The following GPR158 variants were observed in gnomAD, a reference collection of about 807,000 sequenced individuals.
The protein encoded by GPR158 is G protein-coupled receptor 158, also known as metabotropic glycine receptor.
In GPR158, 30 loss-of-function variants were observed where a neutral mutation model predicts 78.2. The observed-to-expected ratio is 0.38, with a 90% confidence interval of 0.29 to 0.52. The LOEUF (loss-of-function observed/expected upper bound fraction) is 0.52. GPR158 is among the 20% of genes least tolerant of loss of function. The pLI is 0.83. For synonymous variants in GPR158, 581 were observed against 591.1 expected (o/e 0.98, Z 0.25); for missense variants, 1,463 against 1,523.5 (o/e 0.96, Z 0.66).
intron 1 of GPR158, among the ~76,000 whole-genome samples, chr10:25,191,155 G>C (rs1852766603): frequency 6.6e-6 from 1 of 152,186 alleles, no homozygotes. Flanking sequence ...ATTCGTTAAA[G>C]AACCAATGTT....
chr10:25,435,963 A>G (rs796218156), intron 4 of GPR158, among the ~76,000 whole-genome samples: 2 of 152,250 alleles, frequency 1.3e-5, no homozygotes, highest in African/African-American at 4.8e-5. Flanking sequence ...ATAGAAATCC[A>G]TATTGATTCC....
chr10:25,493,670 A>C (rs1293264893), intron 5 of GPR158, among the ~76,000 whole-genome samples: 1 of 152,206 alleles, frequency 6.6e-6, no homozygotes, highest in South Asian at 2.1e-4. Context: ...TTAGTGACTC[A>C]TCTGTTACAA....
intron 4 of GPR158, among the ~76,000 whole-genome samples, chr10:25,451,270 G>A (rs1329250): frequency 0.7 from 106,106 of 152,144 alleles, 38,527 homozygotes; most frequent in East Asian, 1. Context: ...GGATTCATCA[G>A]TGTGTATTTC....
chr10:25,341,442 C>T (rs1235103800), intron 2 of GPR158, among the ~76,000 whole-genome samples: 2 of 151,752 alleles, frequency 1.3e-5, no homozygotes, highest in Admixed American at 6.6e-5. Flanking sequence ...ATATTGTACT[C>T]TCTTGGGATA....
intron 5 of GPR158, among the ~76,000 whole-genome samples, chr10:25,549,462 CTT>C: frequency 6.7e-6 from 1 of 150,076 alleles, no homozygotes; most frequent in African/African-American, 2.4e-5. Flanking sequence ...CAGGTTTTTA[CTT>C]TTTTTTTTCC....
chr10:25,509,714 A>AT (rs1384987018), intron 5 of GPR158, among the ~76,000 whole-genome samples: 1 of 151,966 alleles, frequency 6.6e-6, no homozygotes, highest in Non-Finnish European at 1.5e-5. Flanking sequence ...TTATTTTATG[A>AT]TTTTTATTTT....
At chr10:25,484,716 A>T (rs532207771) in intron 5 of GPR158, among the ~76,000 whole-genome samples, 1 of 152,260 alleles carries the variant, frequency 6.6e-6, no homozygotes, top group South Asian at 2.1e-4. Flanking sequence ...TTCTATAGTT[A>T]ATGTCTTTGC....
At chr10:25,328,368 ATTG>A (rs1442666492) in intron 2 of GPR158, among the ~76,000 whole-genome samples, 1 of 152,166 alleles carries the variant, frequency 6.6e-6, no homozygotes, top group East Asian at 1.9e-4. Context: ...CTTGTAGGAA[ATTG>A]TTAAGTGTCA....
At chr10:25,433,568 TGTGCGCGCGCGCGTGCGC>T (rs1834947571) in intron 4 of GPR158, among the ~76,000 whole-genome samples, 1 of 147,620 alleles carries the variant, frequency 6.8e-6, no homozygotes, top group Non-Finnish European at 1.5e-5. Context: ...TGTGTGTGTG[TGTGCGCGCGCGCGTGCGC>T]GTGCGCATAT....
At chr10:25,534,283 G>A (rs1034416194) in intron 5 of GPR158, among the ~76,000 whole-genome samples, 1 of 152,042 alleles carries the variant, frequency 6.6e-6, no homozygotes, top group African/African-American at 2.4e-5. Flanking sequence ...AATCTGCCAG[G>A]TTTTACCTGA....
In GPR158 at chr10:25,598,385, C is replaced by T. The variant is rs1449917466; in HGVS notation, c.2759C>T (p.Thr920Ile). The change falls in exon 11 of 11, where the codon ACC (threonine) becomes ATC (isoleucine). Residue 920 changes from threonine (T) to isoleucine (I), a missense_variant. Transcript: ENST00000376351. ...KEKTLGLAGK[T>I]QTAGVEERTK... ...AAGACTCTTGGATTAGCTGGGAAAA[C>T]CCAAACAGCAGGTGTGGAAGAACGC... 1 of 1,614,058 alleles carries T rather than the reference C, an allele frequency of 6.2e-7. No homozygotes were observed. Among genetic ancestry groups the T allele is most frequent in the Non-Finnish European group, 8.5e-7 (1 of 1,180,018 alleles).
chr10:25,192,696 A>T (rs1169676104), intron 1 of GPR158, among the ~76,000 whole-genome samples: 1 of 152,158 alleles, frequency 6.6e-6, no homozygotes. Context: ...TCTCCGATTT[A>T]TGATGGTTCT....
intron 2 of GPR158, among the ~76,000 whole-genome samples, chr10:25,306,796 T>G (rs554974098): frequency 5.3e-5 from 8 of 152,284 alleles, no homozygotes; most frequent in Admixed American, 1.3e-4. Context: ...CTCCTCCTTT[T>G]AAAAATATTT....
chr10:25,418,581 T>G (rs888217813), intron 4 of GPR158, among the ~76,000 whole-genome samples: 2 of 151,362 alleles, frequency 1.3e-5, no homozygotes, highest in Admixed American at 6.6e-5. Context: ...ATTTTTTAAT[T>G]TATTCTACAT....
intron 2 of GPR158, among the ~76,000 whole-genome samples, chr10:25,383,957 C>T (rs1159934070): frequency 2.0e-5 from 3 of 152,320 alleles, no homozygotes; most frequent in African/African-American, 2.4e-5. Flanking sequence ...CAGTTTGTTC[C>T]TCAAAGTTCT....
chr10:25,215,185 A>T (rs1257894759), intron 1 of GPR158, among the ~76,000 whole-genome samples: 1 of 152,198 alleles, frequency 6.6e-6, no homozygotes, highest in African/African-American at 2.4e-5. Flanking sequence ...TTAAGCTTTA[A>T]AAAGGAAGGA....
chr10:25,421,126 A>T (rs926641764), intron 4 of GPR158, among the ~76,000 whole-genome samples: 31 of 152,086 alleles, frequency 2.0e-4, no homozygotes, highest in Non-Finnish European at 4.4e-4. Context: ...TGTGTCTTTC[A>T]TTTTGCTTAG....
intron 2 of GPR158, among the ~76,000 whole-genome samples, chr10:25,314,696 TTC>T (rs1854820142): frequency 1.3e-5 from 2 of 150,926 alleles, no homozygotes; most frequent in African/African-American, 2.4e-5. Context: ...TATTTTATTC[TTC>T]TGTTTTGTCA....
intron 2 of GPR158, among the ~76,000 whole-genome samples, chr10:25,275,014 G>GA (rs1854164663): frequency 6.6e-6 from 1 of 152,104 alleles, no homozygotes. Context: ...ATTTATTTAG[G>GA]AGAAATATGT....
Sources: allele counts gnomAD v4.1 joint callset (sites outside exome capture counted in the v4.1 genomes callset), GRCh38; gene constraint gnomAD v4.1.1; transcripts MANE v1.5; gene names NCBI Gene and HGNC (gene_info 2026-07-23, HGNC 2026-07-21).